The following CEP112 variants were observed in gnomAD, a reference collection of about 807,000 sequenced individuals.
CEP112 encodes centrosomal protein of 112 kDa.
In CEP112, 127 loss-of-function variants were observed where a neutral mutation model predicts 153.0. That is an observed-to-expected ratio of 0.83 (90% CI 0.72 to 0.96). The LOEUF (loss-of-function observed/expected upper bound fraction) is 0.96, where lower values mean the gene tolerates loss of function less well. Among genes scored for constraint, CEP112 ranks in the 40% least tolerant of loss-of-function variants. CEP112 has a pLI of 0.00. For synonymous variants in CEP112, 358 were observed against 374.4 expected (o/e 0.96, Z 0.51); for missense variants, 1,089 against 1,101.2 (o/e 0.99, Z 0.16).
intron 16 of CEP112, among the ~76,000 whole-genome samples, chr17:66,024,779 G>C (rs2065133063): frequency 6.6e-6 from 1 of 151,966 alleles, no homozygotes; most frequent in Admixed American, 6.6e-5. Flanking sequence ...ATTTTTCTCA[G>C]ACTTAGAAAA....
intron 23 of CEP112, among the ~76,000 whole-genome samples, chr17:65,700,900 A>G (rs767134604): frequency 1.3e-5 from 2 of 152,192 alleles, no homozygotes; most frequent in African/African-American, 2.4e-5. Flanking sequence ...GGCCCAGAAA[A>G]ATACACCTGT....
At chr17:65,846,484 G>T (rs771494745) in intron 21 of CEP112, among the ~76,000 whole-genome samples, 3 of 152,192 alleles carry the variant, frequency 2.0e-5, no homozygotes, top group Non-Finnish European at 2.9e-5. Context: ...ATCAAATGTG[G>T]ATAAATCAAT....
chr17:65,976,729 C>CTT (rs1377033565), intron 17 of CEP112, among the ~76,000 whole-genome samples: 100 of 22,756 alleles, frequency 4.4e-3, no homozygotes, highest in Middle Eastern at 0.023. Context: ...AAACTTATAA[C>CTT]TTTTTCTTTT....
intron 5 of CEP112, among the ~76,000 whole-genome samples, chr17:66,131,739 T>A (rs1471455819): frequency 6.6e-6 from 1 of 151,500 alleles, no homozygotes; most frequent in Non-Finnish European, 1.5e-5. Context: ...AGAGCAAGAC[T>A]CCATCACAAA....
At chr17:65,786,270 C>T (rs1204555610) in intron 21 of CEP112, among the ~76,000 whole-genome samples, 4 of 151,710 alleles carry the variant, frequency 2.6e-5, no homozygotes, top group Non-Finnish European at 5.9e-5. Flanking sequence ...GATCTTATAT[C>T]CTGCAACCTT....
At chr17:65,698,179 C>A (rs2048449976) in intron 23 of CEP112, among the ~76,000 whole-genome samples, 1 of 152,024 alleles carries the variant, frequency 6.6e-6, no homozygotes, top group African/African-American at 2.4e-5. Context: ...TCACATAAGG[C>A]AAAATTCCTT....
Position 66,027,148 on chromosome 17 carries a change from G to A in CEP112, c.1656+353C>T, listed in dbSNP as rs181721984. On this transcript the variant is annotated intron_variant, in intron 16 of 26. Coordinates refer to ENST00000535342, the MANE Select transcript of CEP112 (RefSeq NM_001199165.4). ...TCCCAGCACTTTGGGAGGCCGAGACGGGCGGATCACTTGAGGCCAGGAATT... is the reference window on the plus strand; with the variant it reads ...TCCCAGCACTTTGGGAGGCCGAGACAGGCGGATCACTTGAGGCCAGGAATT... 2.7e-4 allele frequency among the ~76,000 whole-genome samples: 41 copies of A among 152,274 alleles called. No individual in the cohort carries two copies. The East Asian group carries it at 5.6e-3, about 21-fold the overall frequency.
rs921060277 is a variant in CEP112 at position 65,971,632 on chromosome 17, A to G, written c.1737-10034T>C. ...CATATTATATGTATATCCCATGCAT[A>G]TTGCGTTATATTGCATGCATGTCAC... On this transcript the variant is annotated intron_variant, in intron 17 of 26. Transcript: ENST00000535342. Among the ~76,000 whole-genome samples the G allele has an allele frequency of 6.6e-5, 10 of 150,710 alleles. No homozygotes were observed. The East Asian group carries it at 8.2e-4, about 12-fold the overall frequency.
At chr17:66,156,659 T>C (rs2071454709) in intron 4 of CEP112, among the ~76,000 whole-genome samples, 1 of 152,216 alleles carries the variant, frequency 6.6e-6, no homozygotes, top group Middle Eastern at 3.4e-3. Context: ...AATTGCTGAC[T>C]AGAATAACCA....
chr17:65,900,323 G>A lies in CEP112; in HGVS notation c.2163+1829C>T, dbSNP rs1346980050. On this transcript the variant is annotated intron_variant, in intron 20 of 26. Coordinates refer to ENST00000535342, the MANE Select transcript of CEP112 (RefSeq NM_001199165.4). ...ACGTTCCAAGAAAGACACGAAATATGAGAAATACAATCCTAAATTACAGCA... is the reference window on the plus strand; with the variant it reads ...ACGTTCCAAGAAAGACACGAAATATAAGAAATACAATCCTAAATTACAGCA... Among the ~76,000 whole-genome samples, 7 of 152,240 alleles carry A rather than the reference G, an allele frequency of 4.6e-5. No homozygotes were observed. The East Asian group carries it at 1.4e-3, about 29-fold the overall frequency.
At chr17:66,010,879 T>C (rs2064494047) in intron 16 of CEP112, among the ~76,000 whole-genome samples, 2 of 152,152 alleles carry the variant, frequency 1.3e-5, no homozygotes, top group Non-Finnish European at 2.9e-5. Context: ...GTTGAAGATT[T>C]TTGTATCAAT....
At chr17:65,949,348 G>A (rs2061744587) in intron 18 of CEP112, among the ~76,000 whole-genome samples, 1 of 152,186 alleles carries the variant, frequency 6.6e-6, no homozygotes, top group Non-Finnish European at 1.5e-5. Context: ...ATTGAAACCA[G>A]TGAAGAATAT....
intron 2 of CEP112, among the ~76,000 whole-genome samples, chr17:66,179,756 G>A (rs2072638765): frequency 6.6e-6 from 1 of 152,134 alleles, no homozygotes; most frequent in African/African-American, 2.4e-5. Flanking sequence ...GGTCAACCTT[G>A]TTGTATTCCA....
At chr17:65,682,155 A>T (rs896057671) in intron 24 of CEP112, among the ~76,000 whole-genome samples, 1 of 151,642 alleles carries the variant, frequency 6.6e-6, no homozygotes, top group Non-Finnish European at 1.5e-5. Flanking sequence ...CACCGCGCCC[A>T]GCTAATTTTT....
chr17:66,185,051 T>A (rs1423596969), intron 1 of CEP112, among the ~76,000 whole-genome samples: 1 of 152,070 alleles, frequency 6.6e-6, no homozygotes, highest in Non-Finnish European at 1.5e-5. Flanking sequence ...AAAGAACAGA[T>A]CAGCAGCTCA....
chr17:66,183,610 T>C (rs900787960), intron 1 of CEP112, among the ~76,000 whole-genome samples: 6 of 152,090 alleles, frequency 3.9e-5, no homozygotes, highest in African/African-American at 1.4e-4. Flanking sequence ...GTCAAGACAA[T>C]TGGTATTGGT....
intron 19 of CEP112, among the ~76,000 whole-genome samples, chr17:65,925,145 G>T (rs573163791): frequency 6.6e-6 from 1 of 152,148 alleles, no homozygotes; most frequent in Non-Finnish European, 1.5e-5. Context: ...GCTTCCCCCC[G>T]TACTATACTC....
intron 8 of CEP112, among the ~76,000 whole-genome samples, chr17:66,086,461 T>G (rs938455541): frequency 1.6e-5 from 2 of 126,672 alleles, no homozygotes; most frequent in South Asian, 5.1e-4. Context: ...TGGAGTGCAG[T>G]GGCGTGATCT....
intron 24 of CEP112, among the ~76,000 whole-genome samples, chr17:65,641,429 C>T (rs886700931): frequency 2.0e-5 from 3 of 152,216 alleles, no homozygotes; most frequent in African/African-American, 7.2e-5. Flanking sequence ...CCATACTAAG[C>T]TGTCATCTGA....
Sources: gnomAD v4.1 joint callset for allele counts (sites outside exome capture counted in the v4.1 genomes callset) on GRCh38, gnomAD v4.1.1 for gene constraint, MANE v1.5 for transcripts, NCBI Gene and HGNC (gene_info 2026-07-23, HGNC 2026-07-21) for gene names.